STK3: variants seen among roughly 807,000 people sequenced by gnomAD.
STK3 encodes the protein serine/threonine kinase 3.
A neutral mutation model predicts 58.0 loss-of-function variants in STK3; 41 were observed. The ratio of observed to expected loss-of-function variants is 0.71; its 90% CI spans 0.55 to 0.92. The LOEUF is 0.92. Among genes scored for constraint, STK3 ranks in the 40% least tolerant of loss-of-function variants. The pLI is 0.00. For missense variants in STK3, 479 were observed against 602.7 expected, an observed-to-expected ratio of 0.79 and a Z score of 2.15; for synonymous variants, 170 against 191.0, an observed-to-expected ratio of 0.89 and a Z score of 0.91.
the STK3 span, among the ~76,000 whole-genome samples, chr8:98,362,756 AT>A: frequency 6.6e-6 from 1 of 152,178 alleles, no homozygotes; most frequent in Non-Finnish European, 1.5e-5. Flanking sequence ...CTAAATTCCT[AT>A]CACACAGTCA....
chr8:98,808,446 T>C (rs1434085383), intron 1 of STK3, among the ~76,000 whole-genome samples: 6 of 152,222 alleles, frequency 3.9e-5, no homozygotes, highest in African/African-American at 1.4e-4. Context: ...TGTGGACAGG[T>C]TGTAACTTCT....
At chr8:98,789,575 T>G (rs888316991) in intron 1 of STK3, among the ~76,000 whole-genome samples, 3 of 152,046 alleles carry the variant, frequency 2.0e-5, no homozygotes, top group Admixed American at 6.6e-5. Context: ...AGGGAGATAT[T>G]ACAACTGATA....
chr8:98,387,683 G>T (rs1310268558), intron 1 of STK3, among the ~76,000 whole-genome samples: 1 of 152,148 alleles, frequency 6.6e-6, no homozygotes, highest in African/African-American at 2.4e-5. Flanking sequence ...GGGAGGCAGA[G>T]GTTGTGGAGA....
At chr8:98,850,304 G>T (rs551527981) in intron 3 of STK3, among the ~76,000 whole-genome samples, 2 of 152,150 alleles carry the variant, frequency 1.3e-5, no homozygotes, top group African/African-American at 4.8e-5. Context: ...TTCCTAAGTA[G>T]CTGGGACTAC....
At chr8:98,856,828 T>A (rs1836703074) in intron 3 of STK3, among the ~76,000 whole-genome samples, 1 of 152,164 alleles carries the variant, frequency 6.6e-6, no homozygotes, top group Non-Finnish European at 1.5e-5. Flanking sequence ...AATGAACAGA[T>A]AAATGAAATG....
At chr8:98,932,784 G>A (rs1190635698) in intron 1 of STK3, among the ~76,000 whole-genome samples, 3 of 152,198 alleles carry the variant, frequency 2.0e-5, no homozygotes, top group African/African-American at 7.2e-5. Flanking sequence ...GAGGACAGCT[G>A]GGGTTGAATG....
At chr8:98,821,972 C>T (rs1340692431) in intron 1 of STK3, among the ~76,000 whole-genome samples, 1 of 152,138 alleles carries the variant, frequency 6.6e-6, no homozygotes, top group African/African-American at 2.4e-5. Context: ...AAGTCAGTGA[C>T]AAGGCCAGGC....
At chr8:98,580,719 C>A (rs13258214) in intron 7 of STK3, among the ~76,000 whole-genome samples, 1 of 152,040 alleles carries the variant, frequency 6.6e-6, no homozygotes, top group Non-Finnish European at 1.5e-5. Flanking sequence ...CTCAAGTGAT[C>A]CTCCCACCTC....
intron 1 of STK3, among the ~76,000 whole-genome samples, chr8:98,777,993 T>C (rs939380160): frequency 1.6e-4 from 24 of 152,204 alleles, no homozygotes; most frequent in African/African-American, 5.1e-4. Flanking sequence ...TCTAAAACAC[T>C]AAAAGCAATG....
intron 10 of STK3, among the ~76,000 whole-genome samples, chr8:98,508,035 T>C (rs1247430664): frequency 2.0e-5 from 3 of 152,230 alleles, no homozygotes; most frequent in African/African-American, 7.2e-5. Context: ...GGTTATTGAC[T>C]GTTTTCTCCA....
chr8:98,757,857 A>G lies in STK3; in HGVS notation c.237-8467T>C, dbSNP rs1349927618. On this transcript the variant is annotated intron_variant, in intron 3 of 10. Coordinates refer to ENST00000419617, the MANE Select transcript of STK3 (RefSeq NM_006281.4). ...ATGGGGAACCCCTGAAGAAATTTAT[A>G]TAAGGAAATAATACAATCAAACTAG... Among the ~76,000 whole-genome samples, 5 of 152,240 alleles carry G rather than the reference A, an allele frequency of 3.3e-5. No individual in the cohort carries two copies. In the East Asian group the frequency reaches 7.7e-4, roughly 23 times the overall value.
intron 3 of STK3, among the ~76,000 whole-genome samples, chr8:98,422,692 C>G (rs1387186819): frequency 6.6e-6 from 1 of 152,226 alleles, no homozygotes; most frequent in Non-Finnish European, 1.5e-5. Context: ...CAGGCAGGCC[C>G]TGCCCTAAGA....
At chr8:98,672,186 A>AT (rs1276061978) in intron 6 of STK3, among the ~76,000 whole-genome samples, 3 of 151,680 alleles carry the variant, frequency 2.0e-5, no homozygotes, top group Non-Finnish European at 4.4e-5. Flanking sequence ...GGCTCAAGTG[A>AT]TCCCCCAACC....
At position 98,426,571 on chromosome 8, in the gene STK3, C is replaced by T. The variant is rs1818235385; in HGVS notation, n.483+7556G>A. Among the ~76,000 whole-genome samples, 3 of 152,164 alleles carry T rather than the reference C, an allele frequency of 2.0e-5. No individual in the cohort carries two copies. In the South Asian group the frequency reaches 6.2e-4, roughly 32 times the overall value. ...ACTTCCCGGCCCCCTCTTTTCCCCT[C>T]CAGCTCCTGTTCCCCAACAACCCCA... is the stretch of plus-strand genomic sequence containing the variant. On this transcript the variant is annotated intron_variant and non_coding_transcript_variant, in intron 3 of 3. Transcript: ENST00000517832.
At chr8:98,712,007 C>G (rs957776669) in intron 4 of STK3, among the ~76,000 whole-genome samples, 1 of 152,150 alleles carries the variant, frequency 6.6e-6, no homozygotes, top group African/African-American at 2.4e-5. Flanking sequence ...GAATTTTCAA[C>G]CCAGAATTTC....
intron 9 of STK3, among the ~76,000 whole-genome samples, chr8:98,546,371 A>C (rs1281837820): frequency 6.6e-6 from 1 of 151,984 alleles, no homozygotes; most frequent in Non-Finnish European, 1.5e-5. Flanking sequence ...TTCTATAAAG[A>C]CTCATTTTTC....
At chr8:98,864,501 T>A (rs1837060395) in intron 3 of STK3, among the ~76,000 whole-genome samples, 1 of 152,206 alleles carries the variant, frequency 6.6e-6, no homozygotes, top group South Asian at 2.1e-4. Flanking sequence ...ATTGGTAATG[T>A]CTGTTTTCAT....
At chr8:98,694,246 T>C (rs1278952016) in intron 6 of STK3, among the ~76,000 whole-genome samples, 1 of 152,252 alleles carries the variant, frequency 6.6e-6, no homozygotes, top group Non-Finnish European at 1.5e-5. Context: ...AAAACATCAT[T>C]CATCAAAAAT....
chr8:98,760,031 T>C (rs533828428), intron 3 of STK3, among the ~76,000 whole-genome samples: 1 of 152,168 alleles, frequency 6.6e-6, no homozygotes, highest in Non-Finnish European at 1.5e-5. Flanking sequence ...TTTTTTTTAT[T>C]GTTTTTTTCT....
Sources: gnomAD v4.1 joint callset for allele counts (sites outside exome capture counted in the v4.1 genomes callset) on GRCh38, gnomAD v4.1.1 for gene constraint, MANE v1.5 for transcripts, NCBI Gene and HGNC (gene_info 2026-07-23, HGNC 2026-07-21) for gene names.